Variants in UNC5C observed in about 807,000 individuals in gnomAD.
UNC5C encodes netrin receptor UNC5C.
In UNC5C, 47 loss-of-function variants were observed where a neutral mutation model predicts 99.8. The observed-to-expected ratio is 0.47, with a 90% CI of 0.37 to 0.60. UNC5C has a LOEUF of 0.60. Among genes scored for constraint, UNC5C ranks in the 20% least tolerant of loss-of-function variants. The pLI, the probability that UNC5C is intolerant of heterozygous loss-of-function variation, is 0.00. For synonymous variants in UNC5C, 487 were observed against 452.2 expected, an observed-to-expected ratio of 1.08 and a Z score of -0.98; for missense variants, 1,062 against 1,165.9, an observed-to-expected ratio of 0.91 and a Z score of 1.30.
intron 2 of UNC5C, among the ~76,000 whole-genome samples, chr4:95,312,757 C>T (rs142052903): frequency 2.6e-4 from 39 of 152,256 alleles, no homozygotes; most frequent in Middle Eastern, 6.8e-3. Flanking sequence ...CCCTCCTCTA[C>T]AAAACTCAGA....
At chr4:95,324,899 C>T (rs1742831912) in intron 2 of UNC5C, among the ~76,000 whole-genome samples, 1 of 152,136 alleles carries the variant, frequency 6.6e-6, no homozygotes, top group Non-Finnish European at 1.5e-5. Context: ...ACTACCCAGG[C>T]TGTGGTATTT....
chr4:95,284,129 T>C (rs1741152855), intron 3 of UNC5C, among the ~76,000 whole-genome samples: 2 of 152,202 alleles, frequency 1.3e-5, no homozygotes, highest in Non-Finnish European at 2.9e-5. Context: ...CAGTGATTTT[T>C]TTTTTGCACA....
rs555973768 is a variant in UNC5C, at chr4:95,262,285, A to G, written c.595-11618T>C. ...TATGTCAAATGATGGGTCACTGAACATAAATTTTGATGACAGATCGCTATG... is the reference window on the plus strand; with the variant it reads ...TATGTCAAATGATGGGTCACTGAACGTAAATTTTGATGACAGATCGCTATG... On this transcript the variant is annotated intron_variant, in intron 4 of 15. Transcript: ENST00000453304. Among the ~76,000 whole-genome samples the G allele has an allele frequency of 3.3e-5, 5 of 152,324 alleles. No individual in the cohort carries two copies. The South Asian group carries it at 1.0e-3, about 32-fold the overall frequency.
At chr4:95,173,836 C>T (rs1184068881) in intron 14 of UNC5C, among the ~76,000 whole-genome samples, 1 of 152,032 alleles carries the variant, frequency 6.6e-6, no homozygotes, top group Non-Finnish European at 1.5e-5. Context: ...CTCCTTGTAC[C>T]TCTGGTAGAA....
At chr4:95,500,975 G>T (rs760236399) in intron 1 of UNC5C, among the ~76,000 whole-genome samples, 5 of 152,048 alleles carry the variant, frequency 3.3e-5, no homozygotes, top group Non-Finnish European at 7.4e-5. Context: ...ACTACTGCAT[G>T]ATCATTAGTC....
intron 2 of UNC5C, 25 bp downstream of exon 2, chr4:95,335,385 A>G (rs2149420989): frequency 6.3e-7 from 1 of 1,586,074 alleles, no homozygotes; most frequent in Non-Finnish European, 8.6e-7. Context: ...CTTGAAGTGC[A>G]ATGCAAATGC....
At chr4:95,522,437 A>G (rs1193660691) in intron 1 of UNC5C, among the ~76,000 whole-genome samples, 1 of 152,150 alleles carries the variant, frequency 6.6e-6, no homozygotes, top group East Asian at 1.9e-4. Context: ...AGAGAGAGAC[A>G]TGAGGGAGAG....
At chr4:95,518,175 C>A (rs921575612) in intron 1 of UNC5C, among the ~76,000 whole-genome samples, 15 of 152,148 alleles carry the variant, frequency 9.9e-5, no homozygotes, top group Admixed American at 5.9e-4. Context: ...TAAGGGTAGG[C>A]AATCTCCTTT....
intron 4 of UNC5C, among the ~76,000 whole-genome samples, chr4:95,254,861 C>A (rs958202232): frequency 1.3e-5 from 2 of 152,186 alleles, no homozygotes; most frequent in African/African-American, 4.8e-5. Flanking sequence ...GTTTCTCAGA[C>A]TTTCAAGTAT....
chr4:95,373,571 G>A (rs905593335), intron 1 of UNC5C, among the ~76,000 whole-genome samples: 2 of 152,104 alleles, frequency 1.3e-5, no homozygotes, highest in Non-Finnish European at 2.9e-5. Context: ...TTGATATGAT[G>A]TTTATCTGAT....
At chr4:95,263,103 T>C (rs924442629) in intron 4 of UNC5C, among the ~76,000 whole-genome samples, 10 of 152,084 alleles carry the variant, frequency 6.6e-5, no homozygotes, top group African/African-American at 1.9e-4. Context: ...GTGTGAGCCA[T>C]TGTGCCTGGC....
intron 1 of UNC5C, among the ~76,000 whole-genome samples, chr4:95,344,447 G>C (rs77649123): frequency 6.6e-6 from 1 of 151,968 alleles, no homozygotes; most frequent in Non-Finnish European, 1.5e-5. Flanking sequence ...GATGCAAAAA[G>C]GAGTTCTTCA....
chr4:95,386,521 C>T (rs1745215758), intron 1 of UNC5C, among the ~76,000 whole-genome samples: 1 of 152,172 alleles, frequency 6.6e-6, no homozygotes, highest in Non-Finnish European at 1.5e-5. Context: ...TCCTTCTGAG[C>T]TCTCCACACA....
At position 95,167,329 on chromosome 4, in the gene UNC5C, T is replaced by C. The variant is rs1267457116; in HGVS notation, c.*1905A>G. 3.3e-5 allele frequency: 5 copies of C among 152,246 alleles called. No individual in the cohort carries two copies. Among genetic ancestry groups the C allele is most frequent in the Non-Finnish European group, 7.3e-5 (5 of 68,042 alleles). 9.4% of individuals were successfully genotyped at this position (152,246 alleles called of 1,614,324 possible). A position where few individuals can be genotyped will look rare whatever the true frequency, so the allele number is the denominator to read the frequency against. On this transcript the variant is annotated 3_prime_UTR_variant, in exon 16 of 16. Transcript: ENST00000453304. ...GCTGAATGAATTGAGTCCTTGTGTT[T>C]GTTAAAGAGCTTGTGATGGTCCCAA... is the stretch of plus-strand genomic sequence containing the variant.
intron 12 of UNC5C, among the ~76,000 whole-genome samples, chr4:95,198,684 A>G (rs1737530224): frequency 6.6e-6 from 1 of 152,162 alleles, no homozygotes. Flanking sequence ...GAGATGCCCC[A>G]GAAAGGGTCA....
chr4:95,403,359 C>T (rs868144114), intron 1 of UNC5C, among the ~76,000 whole-genome samples: 6 of 152,066 alleles, frequency 3.9e-5, no homozygotes, highest in African/African-American at 7.2e-5. Context: ...GCTGGAACCC[C>T]GCTGCTGCTC....
At chr4:95,397,210 TA>T (rs1418571785) in intron 1 of UNC5C, among the ~76,000 whole-genome samples, 2 of 152,192 alleles carry the variant, frequency 1.3e-5, no homozygotes, top group Non-Finnish European at 2.9e-5. Context: ...CTGAAAAATG[TA>T]AGTGCTTTAC....
At chr4:95,538,702 C>T (rs114682433) in intron 1 of UNC5C, among the ~76,000 whole-genome samples, 2,576 of 151,970 alleles carry the variant, frequency 0.017, 38 homozygotes, top group African/African-American at 0.038. Context: ...TTCAAAAATG[C>T]CAAGTGATAT....
chr4:95,406,054 T>C (rs970937157), intron 1 of UNC5C, among the ~76,000 whole-genome samples: 25 of 152,098 alleles, frequency 1.6e-4, no homozygotes, highest in Admixed American at 1.6e-3. Context: ...AAATGAAGAT[T>C]AACAAATGTT....
Sources: gnomAD v4.1 joint callset for allele counts (sites outside exome capture counted in the v4.1 genomes callset) on GRCh38, gnomAD v4.1.1 for gene constraint, MANE v1.5 for transcripts, NCBI Gene and HGNC (gene_info 2026-07-23, HGNC 2026-07-21) for gene names.